TAFA2: variants seen among roughly 807,000 people sequenced by gnomAD.
The protein encoded by TAFA2 is TAFA chemokine like family member 2, also known as chemokine-like protein TAFA-2.
In TAFA2, 7 loss-of-function variants were observed where a neutral mutation model predicts 18.8. The observed-to-expected ratio is 0.37, with a 90% CI of 0.21 to 0.70. The LOEUF is 0.70. Ranked by LOEUF, TAFA2 falls within the 30% of genes least tolerant of loss-of-function variation. The probability of loss-of-function intolerance (pLI) is 0.53; values close to 1 mark genes in which losing one functional copy is unlikely to be tolerated. For synonymous variants in TAFA2, 60 were observed against 54.2 expected (o/e 1.11, Z -0.47); for missense variants, 122 against 158.1 (o/e 0.77, Z 1.23).
At chr12:61,716,186 A>T (rs1473443649) in intron 4 of TAFA2, among the ~76,000 whole-genome samples, 1 of 152,182 alleles carries the variant, frequency 6.6e-6, no homozygotes, top group Admixed American at 6.5e-5. Flanking sequence ...TGGCCATCCA[A>T]TGTATTAAAT....
At chr12:62,165,197 C>T (rs2062430707) in intron 1 of TAFA2, among the ~76,000 whole-genome samples, 1 of 152,042 alleles carries the variant, frequency 6.6e-6, no homozygotes, top group African/African-American at 2.4e-5. Flanking sequence ...CCTTTCCCAG[C>T]CCTCTCTTCT....
At chr12:61,818,510 C>A (rs915519873) in intron 2 of TAFA2, among the ~76,000 whole-genome samples, 1 of 151,808 alleles carries the variant, frequency 6.6e-6, no homozygotes, top group East Asian at 1.9e-4. Flanking sequence ...CACACACACA[C>A]ACACACACAC....
intron 1 of TAFA2, among the ~76,000 whole-genome samples, chr12:62,001,772 A>G (rs1880385560): frequency 6.6e-6 from 1 of 152,174 alleles, no homozygotes; most frequent in South Asian, 2.1e-4. Flanking sequence ...CCCCTAATAT[A>G]TAATGATTCA....
intron 1 of TAFA2, among the ~76,000 whole-genome samples, chr12:62,158,127 T>C: frequency 6.6e-6 from 1 of 152,232 alleles, no homozygotes; most frequent in East Asian, 1.9e-4. Context: ...ATAAATTCTT[T>C]AAACCACAAT....
intron 1 of TAFA2, among the ~76,000 whole-genome samples, chr12:62,213,044 G>A (rs1311687440): frequency 1.3e-5 from 2 of 152,094 alleles, no homozygotes; most frequent in African/African-American, 4.8e-5. Context: ...AATAGAGGCC[G>A]CAAATTTTGG....
intron 1 of TAFA2, among the ~76,000 whole-genome samples, chr12:62,107,943 C>A (rs1869534191): frequency 6.6e-6 from 1 of 152,040 alleles, no homozygotes; most frequent in Non-Finnish European, 1.5e-5. Flanking sequence ...TCATTTCTTA[C>A]CTTTTCATGG....
chr12:62,149,473 G>C (rs2062311605), intron 1 of TAFA2, among the ~76,000 whole-genome samples: 1 of 151,136 alleles, frequency 6.6e-6, no homozygotes, highest in African/African-American at 2.4e-5. Context: ...TTATATATCA[G>C]GCTTCTAACT....
At chr12:62,135,589 A>G (rs1870862779) in intron 1 of TAFA2, among the ~76,000 whole-genome samples, 1 of 152,204 alleles carries the variant, frequency 6.6e-6, no homozygotes, top group East Asian at 1.9e-4. Flanking sequence ...AGAAAAAAAC[A>G]GGTAATAAAA....
chr12:62,244,631 A>C (rs1051556831), intron 1 of TAFA2, among the ~76,000 whole-genome samples: 3 of 152,178 alleles, frequency 2.0e-5, no homozygotes, highest in Non-Finnish European at 4.4e-5. Context: ...AAACATCTAC[A>C]ACTTTACTAA....
At chr12:62,151,453 T>C (rs891207329) in intron 1 of TAFA2, among the ~76,000 whole-genome samples, 1 of 152,232 alleles carries the variant, frequency 6.6e-6, no homozygotes, top group Non-Finnish European at 1.5e-5. Flanking sequence ...AGGAAGGTCT[T>C]CTTTACTTTC....
intron 1 of TAFA2, among the ~76,000 whole-genome samples, chr12:62,226,442 C>G (rs2062787067): frequency 6.6e-6 from 1 of 152,158 alleles, no homozygotes; most frequent in East Asian, 1.9e-4. Flanking sequence ...CACGATCCAC[C>G]CTCCTCGGCC....
At chr12:61,871,968 T>C (rs1383662935) in intron 1 of TAFA2, among the ~76,000 whole-genome samples, 1 of 152,142 alleles carries the variant, frequency 6.6e-6, no homozygotes, top group Non-Finnish European at 1.5e-5. Flanking sequence ...GGCGGGCGCC[T>C]GTAGTCCTAG....
At position 61,754,862 on chromosome 12, in the gene TAFA2, G is replaced by A; in HGVS notation, c.259+10C>T. On this transcript the variant is annotated intron_variant, in intron 3 of 4. Transcript: ENST00000416284. ...TGTGCTGTTACAATAAGGAATGGAA[G>A]AAGTCACACCATCCACACATGATGG... 1 of 1,611,936 alleles carries A rather than the reference G, an allele frequency of 6.2e-7. No homozygotes were observed. The highest frequency in any genetic ancestry group is 1.1e-5 in the South Asian group (1 of 90,960).
intron 1 of TAFA2, among the ~76,000 whole-genome samples, chr12:62,017,096 T>A (rs1317545594): frequency 6.6e-6 from 1 of 152,160 alleles, no homozygotes; most frequent in African/African-American, 2.4e-5. Flanking sequence ...ACAAGCCCTA[T>A]AAAGTAAATA....
At chr12:61,988,258 A>C (rs1056760835) in intron 1 of TAFA2, among the ~76,000 whole-genome samples, 1 of 152,098 alleles carries the variant, frequency 6.6e-6, no homozygotes, top group Non-Finnish European at 1.5e-5. Flanking sequence ...TTCACTTCCC[A>C]ATAGAATTTA....
intron 1 of TAFA2, among the ~76,000 whole-genome samples, chr12:62,174,500 T>A (rs1565770165): frequency 6.6e-6 from 1 of 150,556 alleles, no homozygotes; most frequent in East Asian, 2.0e-4. Context: ...TGGAGGGAAA[T>A]TGAGTTGGAA....
At position 61,708,818 on chromosome 12, in the gene TAFA2, A is replaced by G. The variant is rs947997432; in HGVS notation, c.*1588T>C. 2 of 152,116 alleles carry G rather than the reference A, an allele frequency of 1.3e-5. No individual in the cohort carries two copies. The highest frequency in any genetic ancestry group is 2.9e-5 in the Non-Finnish European group (2 of 67,998). 9.4% of individuals were successfully genotyped at this position (152,116 alleles called of 1,614,324 possible). A position where few individuals can be genotyped will look rare whatever the true frequency, so the allele number is the denominator to read the frequency against. ...GTCTGAGTAGTGTTTTGGCCTTTGA[A>G]TATTGTCACAAACTAATAGACCAAA... On this transcript the variant is annotated 3_prime_UTR_variant, in exon 5 of 5. Transcript: ENST00000416284.
intron 4 of TAFA2, among the ~76,000 whole-genome samples, chr12:61,744,380 A>C (rs539155945): frequency 1.3e-5 from 2 of 152,188 alleles, no homozygotes; most frequent in Admixed American, 1.3e-4. Context: ...TATATCGCCC[A>C]TTTCTCATTT....
intron 1 of TAFA2, among the ~76,000 whole-genome samples, chr12:62,241,296 G>A (rs1040752758): frequency 6.6e-6 from 1 of 152,128 alleles, no homozygotes; most frequent in African/African-American, 2.4e-5. Flanking sequence ...TTCTTTTGAT[G>A]CCATAAAACT....
Sources: allele counts gnomAD v4.1 joint callset (sites outside exome capture counted in the v4.1 genomes callset), GRCh38; gene constraint gnomAD v4.1.1; transcripts MANE v1.5; gene names NCBI Gene and HGNC (gene_info 2026-07-23, HGNC 2026-07-21).